ANKRD18B: variants seen among roughly 807,000 people sequenced by gnomAD.
ANKRD18B encodes the protein ankyrin repeat domain 18B.
A neutral mutation model predicts 111.8 loss-of-function variants in ANKRD18B; 75 were observed. The ratio of observed to expected loss-of-function variants is 0.67; its 90% CI spans 0.56 to 0.81. The LOEUF is 0.81. Ranked by LOEUF, ANKRD18B falls within the 40% of genes least tolerant of loss-of-function variation. The probability of loss-of-function intolerance (pLI) is 0.00; values close to 1 mark genes in which losing one functional copy is unlikely to be tolerated. For missense variants in ANKRD18B, 1,038 were observed against 1,225.5 expected (o/e 0.85, Z 2.28); for synonymous variants, 356 against 417.3 (o/e 0.85, Z 1.79).
rs1179932349 is a variant in ANKRD18B, at chr9:33,567,330, T to A, written c.2954+16T>A. 2.6e-6 allele frequency: 4 copies of A among 1,528,020 alleles called. No individual in the cohort carries two copies. In the East Asian group the frequency reaches 9.9e-5, roughly 38 times the overall value. 94.7% of individuals were successfully genotyped at this position (1,528,020 alleles called of 1,614,324 possible). A position where few individuals can be genotyped will look rare whatever the true frequency, so the allele number is the denominator to read the frequency against. ...AAATAACGAAGTAAGTCAAAACATA[T>A]ACTCATAGAAAATGAATTAAACTCA... On this transcript the variant is annotated intron_variant, in intron 16 of 18. Transcript: ENST00000684830.
chr9:33,527,654 A>G (rs1265105709), intron 1 of ANKRD18B, among the ~76,000 whole-genome samples: 1 of 152,136 alleles, frequency 6.6e-6, no homozygotes, highest in African/African-American at 2.4e-5. Flanking sequence ...GTAAGAAGTA[A>G]TTTGTTTAAA....
rs1258689750 is a variant in ANKRD18B at position 33,567,332 on chromosome 9, C to T, written c.2954+18C>T. On this transcript the variant is annotated intron_variant, in intron 16 of 18. Transcript: ENST00000684830. ...ATAACGAAGTAAGTCAAAACATATA[C>T]TCATAGAAAATGAATTAAACTCATT... is the stretch of plus-strand genomic sequence containing the variant. The T allele has an allele frequency of 4.6e-6, 7 of 1,524,134 alleles. No individual in the cohort carries two copies. Among genetic ancestry groups the T allele is most frequent in the Non-Finnish European group, 6.2e-6 (7 of 1,137,534 alleles). 94.4% of individuals were successfully genotyped at this position (1,524,134 alleles called of 1,614,324 possible).
At position 33,572,878 on chromosome 9, in the gene ANKRD18B, T is replaced by C; in HGVS notation, c.*444T>C. The C allele has an allele frequency of 2.9e-6, 1 of 347,984 alleles. No homozygotes were observed. Among genetic ancestry groups the C allele is most frequent in the East Asian group, 1.5e-4 (1 of 6,506 alleles). 21.6% of individuals were successfully genotyped at this position (347,984 alleles called of 1,614,324 possible). A position where few individuals can be genotyped will look rare whatever the true frequency, so the allele number is the denominator to read the frequency against. On this transcript the variant is annotated 3_prime_UTR_variant, in exon 19 of 19. Transcript: ENST00000684830. ...TATCTGGTTACTCCTCAAAACCCAC[T>C]AGATTTAGCATTTCATGGATGACTT... is the stretch of plus-strand genomic sequence containing the variant.
At position 33,534,571 on chromosome 9, in the gene ANKRD18B, G is replaced by T; in HGVS notation, c.740+64G>T. The T allele has an allele frequency of 2.8e-6, 4 of 1,452,320 alleles. No individual in the cohort carries two copies. The South Asian group carries it at 4.6e-5, about 17-fold the overall frequency. 90.0% of individuals were successfully genotyped at this position (1,452,320 alleles called of 1,614,324 possible). The stretch of plus-strand genomic sequence containing the variant: ...AAGGTTTTAAATAATTATAACTATT[G>T]CATCTTATACATTAGGTGACAGTTC... On this transcript the variant is annotated intron_variant, in intron 5 of 18. Transcript: ENST00000684830.
At chr9:33,535,594 A>G (rs1828185844) in intron 5 of ANKRD18B, among the ~76,000 whole-genome samples, 1 of 150,834 alleles carries the variant, frequency 6.6e-6, no homozygotes, top group Non-Finnish European at 1.5e-5. Context: ...GCCCACAGCT[A>G]CAGTGTTTCC....
chr9:33,533,265 G>A (rs1828142935), intron 3 of ANKRD18B, among the ~76,000 whole-genome samples, 174 bp from the exon 4 acceptor site: 1 of 152,208 alleles, frequency 6.6e-6, no homozygotes, highest in East Asian at 1.9e-4. Flanking sequence ...CAGAGGAGGG[G>A]TGTTTCAAGG....
intron 15 of ANKRD18B, 81 bp downstream of exon 15, chr9:33,566,581 T>C (rs1828688821): frequency 9.4e-6 from 14 of 1,494,098 alleles, no homozygotes; most frequent in Non-Finnish European, 1.2e-5. Flanking sequence ...GATGTGTATA[T>C]ATTGTGTTTC....
At chr9:33,534,974 T>C (rs1253169010) in intron 5 of ANKRD18B, among the ~76,000 whole-genome samples, 2 of 152,052 alleles carry the variant, frequency 1.3e-5, no homozygotes, top group Non-Finnish European at 2.9e-5. Context: ...AAATGTCCAC[T>C]TTAGCAGAAA....
intron 3 of ANKRD18B, among the ~76,000 whole-genome samples, chr9:33,530,621 C>G (rs1362573949): frequency 6.6e-6 from 1 of 151,158 alleles, no homozygotes; most frequent in Non-Finnish European, 1.5e-5. Flanking sequence ...TCCCGTATCT[C>G]AAAGACATAA....
chr9:33,530,369 G>T (rs1828092799), intron 3 of ANKRD18B, among the ~76,000 whole-genome samples: 1 of 152,122 alleles, frequency 6.6e-6, no homozygotes, highest in Non-Finnish European at 1.5e-5. Context: ...TACTCAGGAG[G>T]CTGAGGTGGG....
In ANKRD18B at chr9:33,532,050, C is replaced by T. The variant is rs372412352; in HGVS notation, c.496-1389C>T. On this transcript the variant is annotated intron_variant, in intron 3 of 18. Transcript: ENST00000684830. Reference sequence around the variant, plus strand: ...GAGATGGAGACCATCCTGGCTAACACGGTGAAACCCTAACTCTACTAAAAA... The same window carrying T: ...GAGATGGAGACCATCCTGGCTAACATGGTGAAACCCTAACTCTACTAAAAA... 2.8e-4 allele frequency among the ~76,000 whole-genome samples: 43 copies of T among 152,118 alleles called. No individual in the cohort carries two copies. The East Asian group carries it at 4.7e-3, about 16-fold the overall frequency.
chr9:33,533,946 CTGT>C (rs1828155710), intron 4 of ANKRD18B: 3 of 151,794 alleles, frequency 2.0e-5, no homozygotes, highest in African/African-American at 4.9e-5. Context: ...GTTGTTGATG[CTGT>C]TGTTTTCAGC....
rs559189073 is a variant in ANKRD18B at position 33,548,701 on chromosome 9, G to T, written c.1913G>T (p.Gly638Val). ...CAACTAGAGGATGCTCGTAAGGAAG[G>T]TGATAATAAAGAGATAGTCATTAAT... ...ERQLEDARKE[G>V]DNKEIVINIH... Residue 638 changes from glycine to valine, a missense_variant, in exon 11 of 19, where the codon GGT becomes GTT. Gly to Val is a moderately radical substitution (Grantham distance 109). Around this residue, in one of 4 missense-constraint regions of ANKRD18B, gnomAD observed 524 missense variants for 677.9 expected, o/e 0.77. Transcript: ENST00000684830. The T allele has an allele frequency of 7.9e-5, 123 of 1,551,104 alleles. No homozygotes were observed. In the African/African-American group the frequency reaches 1.4e-3, roughly 17 times the overall value.
At chr9:33,570,426 A>G (rs942435555) in intron 17 of ANKRD18B, among the ~76,000 whole-genome samples, 151 of 150,572 alleles carry the variant, frequency 1.0e-3, no homozygotes, top group African/African-American at 3.5e-3. Flanking sequence ...AAACTTACAC[A>G]GGTACCACTT....
intron 16 of ANKRD18B, among the ~76,000 whole-genome samples, chr9:33,568,443 G>T (rs1204001243): frequency 6.6e-6 from 1 of 152,162 alleles, no homozygotes; most frequent in African/African-American, 2.4e-5. Context: ...TGTCTACTTT[G>T]AACTGCTTGT....
In ANKRD18B at chr9:33,547,928, T is replaced by C. The variant is rs539824854; in HGVS notation, c.1150-10T>C. 244 of 1,405,962 alleles carry C rather than the reference T, an allele frequency of 1.7e-4. No individual in the cohort carries two copies. The highest frequency in any genetic ancestry group is 3.0e-4 in the Admixed American group (9 of 30,360). 87.1% of individuals were successfully genotyped at this position (1,405,962 alleles called of 1,614,324 possible). On this transcript the variant is annotated splice_polypyrimidine_tract_variant and intron_variant, in intron 10 of 18. Transcript: ENST00000684830. ...GAGTGCTAACTAAAAATTTGTTTTGTTTTATTTAGGATTCTCAAAGTTATG... is the reference window on the plus strand; with the variant it reads ...GAGTGCTAACTAAAAATTTGTTTTGCTTTATTTAGGATTCTCAAAGTTATG...
rs1827996182 is a variant in ANKRD18B at position 33,524,532 on chromosome 9, C to T, written c.43C>T (p.Leu15Phe). ...TTTTGGGAGACGCCTGGGCCAGGCG[C>T]TCCTGAGCTCCATGGACCAAGAGTA... ...LSFGRRLGQA[L>F]LSSMDQEYAG... Residue 15 changes from leucine (L) to phenylalanine (F), a missense_variant, in exon 1 of 19, where the codon CTC (leucine) becomes TTC (phenylalanine). Transcript: ENST00000684830. The T allele has an allele frequency of 2.6e-6, 4 of 1,551,154 alleles. No individual in the cohort carries two copies. The highest frequency in any genetic ancestry group is 3.5e-6 in the Non-Finnish European group (4 of 1,146,800).
intron 16 of ANKRD18B, among the ~76,000 whole-genome samples, chr9:33,567,831 CA>C (rs1338396287): frequency 1.3e-5 from 2 of 152,276 alleles, no homozygotes; most frequent in Middle Eastern, 3.4e-3. Context: ...GTAACATTTT[CA>C]AGGTGTTACA....
chr9:33,538,158 C>G (rs577452696), intron 6 of ANKRD18B, among the ~76,000 whole-genome samples: 8 of 152,192 alleles, frequency 5.3e-5, no homozygotes, highest in Non-Finnish European at 1.0e-4. Context: ...CAATCCCTTT[C>G]TGACACCATA....
Sources: allele counts gnomAD v4.1 joint callset (sites outside exome capture counted in the v4.1 genomes callset), GRCh38; gene constraint gnomAD v4.1.1; regional missense constraint gnomAD v4.1.1; transcripts MANE v1.5; gene names NCBI Gene and HGNC (gene_info 2026-07-23, HGNC 2026-07-21).